ZMAT4: variants seen among roughly 807,000 people sequenced by gnomAD.
ZMAT4 encodes the protein zinc finger matrin-type protein 4.
A neutral mutation model predicts 28.7 loss-of-function variants in ZMAT4; 17 were observed. The observed-to-expected ratio is 0.59, with a 90% CI of 0.41 to 0.89. ZMAT4 has a LOEUF of 0.89. Among genes scored for constraint, ZMAT4 ranks in the 40% least tolerant of loss-of-function variants. The pLI is 0.00. For missense variants in ZMAT4, 240 were observed against 283.8 expected, an observed-to-expected ratio of 0.85 and a Z score of 1.11; for synonymous variants, 117 against 109.2, an observed-to-expected ratio of 1.07 and a Z score of -0.44.
intron 3 of ZMAT4, among the ~76,000 whole-genome samples, chr8:40,708,711 G>A (rs560479086): frequency 2.0e-4 from 29 of 146,834 alleles, no homozygotes; most frequent in African/African-American, 6.8e-4. Flanking sequence ...AGTGAGTGGC[G>A]CAATCTCAGC....
intron 5 of ZMAT4, among the ~76,000 whole-genome samples, chr8:40,583,094 T>G (rs955369278): frequency 6.6e-6 from 1 of 152,280 alleles, no homozygotes; most frequent in Non-Finnish European, 1.5e-5. Flanking sequence ...GTGAGTTCCA[T>G]GTGGGACCGT....
intron 4 of ZMAT4, among the ~76,000 whole-genome samples, chr8:40,675,841 T>A (rs535692708): frequency 4.3e-4 from 66 of 152,318 alleles, no homozygotes; most frequent in East Asian, 2.7e-3. Context: ...AATGTTTTTT[T>A]AAAAATCAAA....
chr8:40,748,125 G>A (rs182457752), intron 3 of ZMAT4, among the ~76,000 whole-genome samples: 47 of 152,250 alleles, frequency 3.1e-4, no homozygotes, highest in Non-Finnish European at 5.6e-4. Flanking sequence ...TAATAACTTT[G>A]AAGGAAAATG....
chr8:40,647,973 A>G (rs1807422891), intron 5 of ZMAT4, among the ~76,000 whole-genome samples: 3 of 152,340 alleles, frequency 2.0e-5, no homozygotes, highest in South Asian at 2.1e-4. Flanking sequence ...AAAGATGGGG[A>G]AAAAACAGAA....
At chr8:40,815,883 A>G (rs995982993) in intron 2 of ZMAT4, among the ~76,000 whole-genome samples, 1 of 152,188 alleles carries the variant, frequency 6.6e-6, no homozygotes, top group Non-Finnish European at 1.5e-5. Flanking sequence ...TAAAATGGGC[A>G]TCAGCTTCAC....
intron 5 of ZMAT4, among the ~76,000 whole-genome samples, chr8:40,644,048 T>A (rs1807183555): frequency 6.6e-6 from 1 of 152,132 alleles, no homozygotes; most frequent in African/African-American, 2.4e-5. Flanking sequence ...TAATGAGATT[T>A]GTATTTTATA....
chr8:40,699,405 A>AAGG (rs1810033067), intron 3 of ZMAT4, among the ~76,000 whole-genome samples: 1 of 152,202 alleles, frequency 6.6e-6, no homozygotes, highest in Non-Finnish European at 1.5e-5. Context: ...TAGCGTAACA[A>AAGG]AGAACTAAAA....
chr8:40,677,125 T>C (rs1414410192), intron 4 of ZMAT4, among the ~76,000 whole-genome samples: 1 of 152,198 alleles, frequency 6.6e-6, no homozygotes, highest in African/African-American at 2.4e-5. Flanking sequence ...TAAAACATTT[T>C]AGTCGATTTT....
chr8:40,880,736 C>G (rs1051565298), intron 1 of ZMAT4, among the ~76,000 whole-genome samples: 2 of 152,104 alleles, frequency 1.3e-5, no homozygotes, highest in African/African-American at 4.8e-5. Context: ...AAGCTACCCA[C>G]CTGACTATGA....
intron 1 of ZMAT4, among the ~76,000 whole-genome samples, chr8:40,853,563 T>A (rs546254665): frequency 1.7e-3 from 252 of 152,182 alleles, no homozygotes; most frequent in Middle Eastern, 6.8e-3. Context: ...CTCAAAAAAA[T>A]AAATAAATAA....
At chr8:40,590,712 AGT>A (rs3221714) in intron 5 of ZMAT4, among the ~76,000 whole-genome samples, 107 of 150,430 alleles carry the variant, frequency 7.1e-4, no homozygotes, top group African/African-American at 2.1e-3. Flanking sequence ...TTTCAGTATA[AGT>A]GTGTGTGTGT....
At chr8:40,709,993 G>A (rs1034604447) in intron 3 of ZMAT4, among the ~76,000 whole-genome samples, 3 of 149,724 alleles carry the variant, frequency 2.0e-5, no homozygotes, top group Admixed American at 6.7e-5. Flanking sequence ...AGCCGAGATC[G>A]TGCCATTGCA....
chr8:40,632,547 T>A (rs180949294), intron 5 of ZMAT4, among the ~76,000 whole-genome samples: 36 of 152,120 alleles, frequency 2.4e-4, no homozygotes, highest in African/African-American at 8.2e-4. Flanking sequence ...AATCCAAAGA[T>A]TAACGTGTTT....
At chr8:40,726,191 T>C (rs1470410013) in intron 3 of ZMAT4, among the ~76,000 whole-genome samples, 1 of 152,244 alleles carries the variant, frequency 6.6e-6, no homozygotes, top group Non-Finnish European at 1.5e-5. Flanking sequence ...CAGATGCACC[T>C]GCCTTTATGC....
intron 5 of ZMAT4, among the ~76,000 whole-genome samples, chr8:40,619,638 G>A (rs1383017655): frequency 6.6e-6 from 1 of 152,188 alleles, no homozygotes; most frequent in Non-Finnish European, 1.5e-5. Context: ...CAAGGTCCAA[G>A]TAGGCAGGCA....
At chr8:40,564,425 A>T (rs1375148998) in intron 6 of ZMAT4, among the ~76,000 whole-genome samples, 2 of 151,978 alleles carry the variant, frequency 1.3e-5, no homozygotes, top group Non-Finnish European at 2.9e-5. Context: ...GACACTCTAT[A>T]TTTCAGTCTC....
intron 1 of ZMAT4, among the ~76,000 whole-genome samples, chr8:40,833,104 C>G (rs972920714): frequency 2.6e-5 from 4 of 152,318 alleles, no homozygotes; most frequent in African/African-American, 9.6e-5. Context: ...TCGTGATCAT[C>G]TCTGCCATGC....
intron 5 of ZMAT4, among the ~76,000 whole-genome samples, chr8:40,620,291 A>G (rs895237320): frequency 3.3e-5 from 5 of 152,226 alleles, no homozygotes; most frequent in African/African-American, 4.8e-5. Flanking sequence ...TTAGAACAAC[A>G]GAGAGTTGAT....
intron 2 of ZMAT4, among the ~76,000 whole-genome samples, chr8:40,811,424 A>G (rs575762124): frequency 2.3e-4 from 35 of 152,228 alleles, no homozygotes; most frequent in Non-Finnish European, 3.7e-4. Flanking sequence ...AATGTGTGCC[A>G]TAACATCAAG....
Sources: allele counts gnomAD v4.1 joint callset (sites outside exome capture counted in the v4.1 genomes callset), GRCh38; gene constraint gnomAD v4.1.1; transcripts MANE v1.5; gene names NCBI Gene and HGNC (gene_info 2026-07-23, HGNC 2026-07-21).